SLC24A3: variants seen among roughly 807,000 people sequenced by gnomAD.
SLC24A3 encodes the protein solute carrier family 24 member 3, also known as sodium/potassium/calcium exchanger 3.
Under a neutral mutation model 75.8 loss-of-function variants are expected in SLC24A3, and 28 were observed. The ratio of observed to expected loss-of-function variants is 0.37; its 90% CI spans 0.27 to 0.51. SLC24A3 has a LOEUF of 0.51. Among genes scored for constraint, SLC24A3 ranks in the 20% least tolerant of loss-of-function variants. The pLI is 0.94. For synonymous variants in SLC24A3, 372 were observed against 334.1 expected, an observed-to-expected ratio of 1.11 and a Z score of -1.24; for missense variants, 663 against 847.8, an observed-to-expected ratio of 0.78 and a Z score of 2.71.
intron 7 of SLC24A3, among the ~76,000 whole-genome samples, chr20:19,661,112 G>T (rs1361291728): frequency 1.3e-5 from 2 of 152,174 alleles, no homozygotes; most frequent in African/African-American, 4.8e-5. Flanking sequence ...CTATGTGCTT[G>T]ATTTTGGTTT....
At chr20:19,558,900 G>A (rs1285065278) in intron 3 of SLC24A3, among the ~76,000 whole-genome samples, 2 of 152,148 alleles carry the variant, frequency 1.3e-5, no homozygotes, top group Non-Finnish European at 2.9e-5. Flanking sequence ...TAAACATCTG[G>A]ATTGCTCCTG....
intron 1 of SLC24A3, among the ~76,000 whole-genome samples, chr20:19,277,848 G>T (rs1285543024): frequency 6.6e-6 from 1 of 152,226 alleles, no homozygotes; most frequent in Admixed American, 6.5e-5. Flanking sequence ...AACTTTGGAA[G>T]TCATTGGAAG....
chr20:19,554,763 T>C (rs558566182), intron 3 of SLC24A3, among the ~76,000 whole-genome samples: 2 of 152,242 alleles, frequency 1.3e-5, no homozygotes, highest in South Asian at 2.1e-4. Context: ...CCTCAGTGAG[T>C]TCTGAATGTG....
At chr20:19,504,511 T>C (rs534863794) in intron 2 of SLC24A3, among the ~76,000 whole-genome samples, 1 of 152,352 alleles carries the variant, frequency 6.6e-6, no homozygotes, top group South Asian at 2.1e-4. Context: ...AAGTTTTTCA[T>C]GCAATCTCAT....
At chr20:19,411,571 G>A (rs945247220) in intron 2 of SLC24A3, among the ~76,000 whole-genome samples, 1 of 152,214 alleles carries the variant, frequency 6.6e-6, no homozygotes, top group African/African-American at 2.4e-5. Flanking sequence ...AACCCTGGCT[G>A]TTGGAACAAT....
intron 3 of SLC24A3, among the ~76,000 whole-genome samples, chr20:19,536,787 A>G (rs2030406320): frequency 6.6e-6 from 1 of 152,234 alleles, no homozygotes; most frequent in Non-Finnish European, 1.5e-5. Context: ...AGGATTCCCT[A>G]TTTAATAAAT....
At chr20:19,632,216 G>T (rs2031942707) in intron 6 of SLC24A3, among the ~76,000 whole-genome samples, 1 of 152,164 alleles carries the variant, frequency 6.6e-6, no homozygotes, top group African/African-American at 2.4e-5. Context: ...TTCCATAGCA[G>T]GGTAGGTGTA....
intron 2 of SLC24A3, among the ~76,000 whole-genome samples, chr20:19,406,207 TGC>T (rs144662998): frequency 0.012 from 1,785 of 148,966 alleles, 39 homozygotes; most frequent in African/African-American, 0.041. Context: ...TGTGTGTGTG[TGC>T]GTGCGTGTGT....
chr20:19,573,608 T>C (rs1331491853), intron 3 of SLC24A3, among the ~76,000 whole-genome samples: 2 of 152,208 alleles, frequency 1.3e-5, no homozygotes, highest in Non-Finnish European at 2.9e-5. Context: ...TTAGTCCAGA[T>C]GGTGCATGGT....
chr20:19,545,955 C>G (rs1355660657), intron 3 of SLC24A3, among the ~76,000 whole-genome samples: 1 of 151,642 alleles, frequency 6.6e-6, no homozygotes, highest in Non-Finnish European at 1.5e-5. Flanking sequence ...GTCAGGAGAT[C>G]GAGACCATCT....
intron 1 of SLC24A3, among the ~76,000 whole-genome samples, chr20:19,271,710 A>G (rs887129936): frequency 6.6e-6 from 1 of 152,192 alleles, no homozygotes; most frequent in Admixed American, 6.5e-5. Context: ...GTTGGAGACT[A>G]TTATTCTCAG....
intron 2 of SLC24A3, among the ~76,000 whole-genome samples, chr20:19,375,319 G>A (rs73902347): frequency 5.9e-5 from 9 of 152,212 alleles, no homozygotes; most frequent in Non-Finnish European, 4.4e-5. Flanking sequence ...TGCATAGAGT[G>A]TAGTTAAAGT....
chr20:19,566,058 C>T (rs2030952572), intron 3 of SLC24A3, among the ~76,000 whole-genome samples: 1 of 152,156 alleles, frequency 6.6e-6, no homozygotes, highest in Non-Finnish European at 1.5e-5. Context: ...TTTATTCATT[C>T]AAATTCCAGA....
At chr20:19,214,358 A>G (rs1274215031) in intron 1 of SLC24A3, among the ~76,000 whole-genome samples, 1 of 152,228 alleles carries the variant, frequency 6.6e-6, no homozygotes, top group Admixed American at 6.5e-5. Context: ...CTCCCAGGGC[A>G]GATTCACATC....
intron 3 of SLC24A3, among the ~76,000 whole-genome samples, chr20:19,572,922 A>T (rs565217757): frequency 6.6e-6 from 1 of 152,192 alleles, no homozygotes; most frequent in Non-Finnish European, 1.5e-5. Flanking sequence ...AAGCTTAATT[A>T]TATGTGATCA....
chr20:19,314,277 A>ATTTTATTTTATTTTAT (rs150144853), intron 2 of SLC24A3, among the ~76,000 whole-genome samples: 1 of 126,442 alleles, frequency 7.9e-6, no homozygotes, highest in Non-Finnish European at 1.7e-5. Context: ...GTTTTTATTT[A>ATTTTATTTTATTTTAT]TTTATTTTAT....
rs572543127 is a variant in SLC24A3 at position 19,427,883 on chromosome 20, A to T, written c.272-87605A>T. 4.1e-4 allele frequency among the ~76,000 whole-genome samples: 63 copies of T among 152,352 alleles called. 1 individual carries two copies. Among genetic ancestry groups the T allele is most frequent in the African/African-American group, 1.5e-3 (62 of 41,584 alleles). On this transcript the variant is annotated intron_variant, in intron 2 of 16. Coordinates refer to ENST00000328041, the MANE Select transcript of SLC24A3 (RefSeq NM_020689.4). ...GGATAGTTTATGTTTCGCTCTGTGT[A>T]TTCATGCACAACTTTAATATCAGTG...
chr20:19,213,034 G>C (rs964461689), intron 1 of SLC24A3, 50 bp downstream of exon 1: 2 of 1,181,580 alleles, frequency 1.7e-6, no homozygotes, highest in Non-Finnish European at 2.1e-6. Context: ...CCGGCGGCTC[G>C]GGGCTCCCGG....
intron 2 of SLC24A3, among the ~76,000 whole-genome samples, chr20:19,346,358 G>GTA (rs1290650166): frequency 2.8e-5 from 3 of 106,608 alleles, no homozygotes; most frequent in East Asian, 4.7e-4. Context: ...TATATATGGT[G>GTA]TATATATATG....
Sources: gnomAD v4.1 joint callset for allele counts (sites outside exome capture counted in the v4.1 genomes callset) on GRCh38, gnomAD v4.1.1 for gene constraint, MANE v1.5 for transcripts, NCBI Gene and HGNC (gene_info 2026-07-23, HGNC 2026-07-21) for gene names.